ABHD18: variants seen among roughly 807,000 people sequenced by gnomAD.
ABHD18 encodes abhydrolase domain containing 18.
ABHD18 carries 55 observed loss-of-function variants against 65.9 expected under a neutral mutation model. That is an observed-to-expected ratio of 0.84 (90% confidence interval 0.67 to 1.05). The LOEUF is 1.05. ABHD18 is among the 50% of genes least tolerant of loss of function. The pLI is 0.00. For synonymous variants in ABHD18, 181 were observed against 180.2 expected, an observed-to-expected ratio of 1.00 and a Z score of -0.04; for missense variants, 533 against 558.5, an observed-to-expected ratio of 0.95 and a Z score of 0.46.
intron 5 of ABHD18, 48 bp from the exon 6 acceptor site, chr4:128,009,059 G>A: frequency 1.3e-6 from 2 of 1,581,586 alleles, no homozygotes; most frequent in South Asian, 2.4e-5. Flanking sequence ...CTCCTTAACA[G>A]AAGTGGCTAC....
chr4:127,999,303 AAGAAAGTAG>A (rs1336623251), intron 4 of ABHD18, among the ~76,000 whole-genome samples: 1 of 152,138 alleles, frequency 6.6e-6, no homozygotes, highest in East Asian at 1.9e-4. Flanking sequence ...AATAAAAAGT[AAGAAAGTAG>A]CCTTCTGGTG....
At chr4:127,979,650 T>C (rs1385020284) in intron 1 of ABHD18, among the ~76,000 whole-genome samples, 2 of 152,110 alleles carry the variant, frequency 1.3e-5, no homozygotes, top group African/African-American at 4.8e-5. Context: ...GCGCAGTGGC[T>C]CACACCTATA....
chr4:128,021,406 G>A (rs190750489), intron 10 of ABHD18, among the ~76,000 whole-genome samples, 168 bp downstream of exon 10: 1 of 152,274 alleles, frequency 6.6e-6, no homozygotes, highest in East Asian at 1.9e-4. Context: ...GGTCACACCT[G>A]TAACCCCAGC....
Position 127,989,836 on chromosome 4 carries a change from G to A in ABHD18, c.278+15G>A. ...GTTATTGCAAGGTAAGAATTTTTTT[G>A]TTCAAAAAGATGAATACATTATTTA... On this transcript the variant is annotated intron_variant, in intron 4 of 12. Coordinates refer to ENST00000645843, the MANE Select transcript of ABHD18 (RefSeq NM_001358451.3). 1.4e-6 allele frequency: 2 copies of A among 1,477,820 alleles called. No homozygotes were observed. Among genetic ancestry groups the A allele is most frequent in the Non-Finnish European group, 1.8e-6 (2 of 1,093,882 alleles). The allele number at this position is 1,477,820 out of a possible 1,614,324, so 91.5% of individuals were successfully genotyped here.
At chr4:127,997,080 A>G (rs868070360) in intron 4 of ABHD18, among the ~76,000 whole-genome samples, 2 of 152,342 alleles carry the variant, frequency 1.3e-5, no homozygotes, top group Middle Eastern at 3.4e-3. Flanking sequence ...AAATTATAAG[A>G]GTATTGATTG....
intron 3 of ABHD18, among the ~76,000 whole-genome samples, chr4:127,987,594 C>G (rs1012667849): frequency 1.3e-5 from 2 of 151,714 alleles, no homozygotes; most frequent in Admixed American, 1.3e-4. Flanking sequence ...TGCCTGTAGT[C>G]CCAGCTACTC....
chr4:128,001,846 GTT>G (rs35200534), intron 4 of ABHD18: 698 of 1,058,426 alleles, frequency 6.6e-4, no homozygotes, highest in South Asian at 1.9e-3. Context: ...GTTTTGTTTT[GTT>G]TTTTTTTTTA....
intron 10 of ABHD18, among the ~76,000 whole-genome samples, chr4:128,027,692 C>T (rs982699183): frequency 3.3e-5 from 5 of 152,170 alleles, no homozygotes; most frequent in Non-Finnish European, 7.3e-5. Flanking sequence ...GCGTGAGCCA[C>T]CGCGCCTGGC....
intron 4 of ABHD18, among the ~76,000 whole-genome samples, chr4:127,990,743 G>A (rs1230203733): frequency 1.3e-5 from 2 of 152,170 alleles, no homozygotes; most frequent in Non-Finnish European, 2.9e-5. Context: ...ATATCAGTTT[G>A]AGAATGTAAA....
At chr4:127,991,733 T>C (rs1372422038) in intron 4 of ABHD18, among the ~76,000 whole-genome samples, 1 of 152,198 alleles carries the variant, frequency 6.6e-6, no homozygotes, top group Non-Finnish European at 1.5e-5. Context: ...ATAGCAATGA[T>C]AAAATAGTGA....
chr4:128,015,819 A>C (rs879458044), intron 7 of ABHD18, among the ~76,000 whole-genome samples: 4 of 152,198 alleles, frequency 2.6e-5, no homozygotes, highest in Non-Finnish European at 5.9e-5. Context: ...TTCAATAACC[A>C]GTTACATGTG....
At chr4:128,011,807 T>C in intron 7 of ABHD18, 107 bp downstream of exon 7, 2 of 283,964 alleles carry the variant, frequency 7.0e-6, no homozygotes, top group East Asian at 1.4e-4. Context: ...TACCTAAATA[T>C]TATGGGGGGG....
chr4:128,016,665 C>T (rs929400506), intron 7 of ABHD18, among the ~76,000 whole-genome samples: 1 of 152,126 alleles, frequency 6.6e-6, no homozygotes, highest in African/African-American at 2.4e-5. Context: ...ATTCCACCTA[C>T]TCAGGAGACT....
chr4:127,975,896 G>T (rs1579138013), intron 1 of ABHD18, among the ~76,000 whole-genome samples: 2 of 152,188 alleles, frequency 1.3e-5, no homozygotes, highest in East Asian at 3.9e-4. Context: ...TACAGTCTCG[G>T]CTCACTGCAA....
intron 4 of ABHD18, among the ~76,000 whole-genome samples, chr4:128,000,943 G>T (rs951971146): frequency 6.6e-6 from 1 of 152,080 alleles, no homozygotes; most frequent in Non-Finnish European, 1.5e-5. Flanking sequence ...CAGCTTGGAT[G>T]TTATTGGTGT....
chr4:127,973,680 C>T (rs76531310), intron 1 of ABHD18, among the ~76,000 whole-genome samples: 4,426 of 152,044 alleles, frequency 0.029, 199 homozygotes, highest in African/African-American at 0.1. Flanking sequence ...AGGTATGGCT[C>T]CTGTGGCTCA....
chr4:127,983,932 G>A (rs1310352608), intron 2 of ABHD18, among the ~76,000 whole-genome samples: 1 of 151,884 alleles, frequency 6.6e-6, no homozygotes, highest in Non-Finnish European at 1.5e-5. Context: ...CCAGCTACTC[G>A]GGAGAGTGAA....
intron 12 of ABHD18, among the ~76,000 whole-genome samples, chr4:128,033,828 A>C (rs1386065951): frequency 2.0e-5 from 3 of 150,846 alleles, no homozygotes; most frequent in African/African-American, 7.3e-5. Flanking sequence ...GAGCCACCGC[A>C]CCCGGCTAAA....
intron 1 of ABHD18, among the ~76,000 whole-genome samples, chr4:127,981,723 A>G (rs1749089224): frequency 6.6e-6 from 1 of 152,190 alleles, no homozygotes; most frequent in South Asian, 2.1e-4. Flanking sequence ...ATAAAACTGT[A>G]TATGCAATAC....
Sources: allele counts gnomAD v4.1 joint callset (sites outside exome capture counted in the v4.1 genomes callset), GRCh38; gene constraint gnomAD v4.1.1; transcripts MANE v1.5; gene names NCBI Gene and HGNC (gene_info 2026-07-23, HGNC 2026-07-21).